The following RIMS1 variants were observed in gnomAD, a reference collection of about 807,000 sequenced individuals.
RIMS1 encodes the protein regulating synaptic membrane exocytosis 1.
In RIMS1, 83 loss-of-function variants were observed where a neutral mutation model predicts 214.1. That is an observed-to-expected ratio of 0.39 (90% CI 0.32 to 0.47). RIMS1 has a LOEUF of 0.47. Among genes scored for constraint, RIMS1 ranks in the 20% least tolerant of loss-of-function variants. RIMS1 has a pLI of 0.99. For missense variants in RIMS1, 2,050 were observed against 2,161.8 expected, an observed-to-expected ratio of 0.95 and a Z score of 1.03; for synonymous variants, 793 against 786.8, an observed-to-expected ratio of 1.01 and a Z score of -0.13.
chr6:71,915,743 T>A (rs1252761756), intron 1 of RIMS1, among the ~76,000 whole-genome samples: 3 of 152,124 alleles, frequency 2.0e-5, no homozygotes, highest in Non-Finnish European at 2.9e-5. Context: ...CTTGTATTAG[T>A]CTGTTCTTAC....
intron 12 of RIMS1, among the ~76,000 whole-genome samples, chr6:72,249,072 G>A (rs2071734227): frequency 6.6e-6 from 1 of 152,080 alleles, no homozygotes; most frequent in African/African-American, 2.4e-5. Context: ...CACAGATCCA[G>A]GTTTGAATTC....
Position 72,260,994 on chromosome 6 carries a change from A to G in RIMS1, c.3116+227A>G. On this transcript the variant is annotated intron_variant, in intron 19 of 33. Coordinates refer to ENST00000521978, the MANE Select transcript of RIMS1 (RefSeq NM_014989.7). ...CATCTGTAGATTCAAAAATCCAGAG[A>G]CTAGTGGGCCTCTCTGGGACTGTTT... The G allele has an allele frequency of 3.0e-6, 4 of 1,319,514 alleles. No homozygotes were observed. The South Asian group carries it at 4.5e-5, about 15-fold the overall frequency. 81.7% of individuals were successfully genotyped at this position (1,319,514 alleles called of 1,614,324 possible).
chr6:72,259,483 T>C (rs1021057173), intron 18 of RIMS1, among the ~76,000 whole-genome samples: 4 of 152,158 alleles, frequency 2.6e-5, no homozygotes, highest in African/African-American at 7.2e-5. Flanking sequence ...AAAATTATGT[T>C]ATTTATATAA....
At chr6:72,305,124 T>C (rs2095029311) in intron 26 of RIMS1, among the ~76,000 whole-genome samples, 1 of 152,042 alleles carries the variant, frequency 6.6e-6, no homozygotes, top group African/African-American at 2.4e-5. Flanking sequence ...ATTTTGCAAA[T>C]AAAGATTTAA....
chr6:72,267,667 C>T (rs1291050631), intron 22 of RIMS1, among the ~76,000 whole-genome samples: 1 of 152,116 alleles, frequency 6.6e-6, no homozygotes, highest in African/African-American at 2.4e-5. Context: ...TGGTTTGTGG[C>T]TCCTGTACTG....
At chr6:72,006,182 CT>C (rs1353711791) in intron 2 of RIMS1, among the ~76,000 whole-genome samples, 2 of 152,158 alleles carry the variant, frequency 1.3e-5, no homozygotes, top group African/African-American at 2.4e-5. Flanking sequence ...CCCTCATGAT[CT>C]AATTACCTCC....
intron 4 of RIMS1, among the ~76,000 whole-genome samples, chr6:72,144,489 A>G (rs1004182468): frequency 6.6e-6 from 1 of 152,140 alleles, no homozygotes; most frequent in Non-Finnish European, 1.5e-5. Flanking sequence ...TCAAAATGAA[A>G]GTAGAGGATA....
At chr6:72,127,099 A>G (rs1179468759) in intron 4 of RIMS1, among the ~76,000 whole-genome samples, 2 of 152,114 alleles carry the variant, frequency 1.3e-5, no homozygotes, top group Non-Finnish European at 2.9e-5. Flanking sequence ...AGAAACACCT[A>G]CCCCAATGAA....
chr6:72,001,207 T>C (rs2151727861), intron 2 of RIMS1, among the ~76,000 whole-genome samples: 1 of 152,306 alleles, frequency 6.6e-6, no homozygotes, highest in African/African-American at 2.4e-5. Flanking sequence ...TTTCCAGGCT[T>C]TCTGTCACCC....
At chr6:71,929,485 G>T (rs938900349) in intron 1 of RIMS1, among the ~76,000 whole-genome samples, 1 of 152,028 alleles carries the variant, frequency 6.6e-6, no homozygotes, top group Non-Finnish European at 1.5e-5. Flanking sequence ...AGAGAAAAAA[G>T]ACTATTTAAC....
chr6:72,046,416 T>C (rs901183154), intron 2 of RIMS1, among the ~76,000 whole-genome samples: 3 of 152,048 alleles, frequency 2.0e-5, no homozygotes, highest in Non-Finnish European at 4.4e-5. Flanking sequence ...TTGAAAATAG[T>C]ATTGCTGAGA....
intron 19 of RIMS1, among the ~76,000 whole-genome samples, chr6:72,264,521 TTTGTCCCTGGAATGC>T (rs1360515880): frequency 6.6e-6 from 1 of 152,160 alleles, no homozygotes; most frequent in Non-Finnish European, 1.5e-5. Context: ...TATGACCAGC[TTTGTCCCTGGAATGC>T]TAGTCAACAC....
intron 6 of RIMS1, among the ~76,000 whole-genome samples, chr6:72,200,192 A>C (rs2051693953): frequency 6.6e-6 from 1 of 152,098 alleles, no homozygotes; most frequent in African/African-American, 2.4e-5. Context: ...TGGAACTGTA[A>C]AAGCCTTGAG....
At chr6:72,148,326 G>C (rs950793162) in intron 4 of RIMS1, among the ~76,000 whole-genome samples, 8 of 152,122 alleles carry the variant, frequency 5.3e-5, no homozygotes, top group Non-Finnish European at 8.8e-5. Flanking sequence ...GAAAAAGGAG[G>C]AAAAGGCATC....
chr6:72,203,786 G>T (rs2153996846), intron 6 of RIMS1, among the ~76,000 whole-genome samples: 1 of 152,114 alleles, frequency 6.6e-6, no homozygotes, highest in South Asian at 2.1e-4. Context: ...GGAGATTTTT[G>T]AAAAACCTGC....
intron 6 of RIMS1, chr6:72,217,281 G>A (rs996204301): frequency 2.0e-6 from 3 of 1,470,026 alleles, no homozygotes; most frequent in East Asian, 2.5e-5. Context: ...TAAATGTAAA[G>A]TTAATGTAAT....
chr6:72,250,266 G>T, intron 12 of RIMS1, 64 bp from the exon 13 acceptor site: 1 of 1,484,828 alleles, frequency 6.7e-7, no homozygotes, highest in Admixed American at 2.3e-5. Context: ...CTTGAATTTT[G>T]TTTTATGTAA....
intron 2 of RIMS1, among the ~76,000 whole-genome samples, chr6:72,054,312 T>A (rs572478713): frequency 6.6e-6 from 1 of 152,346 alleles, no homozygotes; most frequent in South Asian, 2.1e-4. Flanking sequence ...CACATTTTCT[T>A]TATGCAGTCT....
At chr6:72,147,238 T>C (rs2042878955) in intron 4 of RIMS1, among the ~76,000 whole-genome samples, 1 of 152,254 alleles carries the variant, frequency 6.6e-6, no homozygotes, top group Non-Finnish European at 1.5e-5. Context: ...TATTTTTCTT[T>C]AGTCAATTAA....
Sources: gnomAD v4.1 joint callset for allele counts (sites outside exome capture counted in the v4.1 genomes callset) on GRCh38, gnomAD v4.1.1 for gene constraint, MANE v1.5 for transcripts, NCBI Gene and HGNC (gene_info 2026-07-23, HGNC 2026-07-21) for gene names.